The following RASA2 variants were observed in gnomAD, a reference collection of about 807,000 sequenced individuals.
RASA2 encodes the protein RAS p21 protein activator 2.
A neutral mutation model predicts 118.2 loss-of-function variants in RASA2; 155 were observed. The observed-to-expected ratio is 1.31, with a 90% CI of 1.15 to 1.50. The LOEUF (loss-of-function observed/expected upper bound fraction) is 1.50. Ranked by LOEUF, RASA2 falls within the 40% of genes most tolerant of loss-of-function variation. The pLI, the probability that RASA2 is intolerant of heterozygous loss-of-function variation, is 0.00. For missense variants in RASA2, 1,016 were observed against 1,009.6 expected, an observed-to-expected ratio of 1.01 and a Z score of -0.09; for synonymous variants, 353 against 349.1, an observed-to-expected ratio of 1.01 and a Z score of -0.12.
At position 141,516,359 on chromosome 3, in the gene RASA2, A is replaced by T. The variant is rs1262689289; in HGVS notation, c.283A>T (p.Ile95Phe). 1 of 1,565,870 alleles carries T rather than the reference A, an allele frequency of 6.4e-7. No individual in the cohort carries two copies. The highest frequency in any genetic ancestry group is 8.6e-7 in the Non-Finnish European group (1 of 1,157,200). Reference sequence around the variant, plus strand: ...TTTCAGTGAAGAATTTTACTTTGAGATTCCAAGAACTTTCCAGTATTTGTC... The same window carrying T: ...TTTCAGTGAAGAATTTTACTTTGAGTTTCCAAGAACTTTCCAGTATTTGTC... ...PFFSEEFYFE[I>F]PRTFQYLSFY... The change falls in exon 3 of 24, where the codon ATT (isoleucine) becomes TTT (phenylalanine). Residue 95 changes from isoleucine (I) to phenylalanine (F), a missense_variant. Physicochemically the swap from Ile to Phe is conservative, Grantham distance 21 (BLOSUM62 0). Transcript: ENST00000286364.
At chr3:141,609,344 C>G in intron 21 of RASA2, 76 bp from the exon 22 acceptor site, 1 of 868,204 alleles carries the variant, frequency 1.2e-6, no homozygotes, top group Non-Finnish European at 1.6e-6. Context: ...TTTTTAGTCT[C>G]AAACCATCAG....
intron 5 of RASA2, among the ~76,000 whole-genome samples, chr3:141,547,618 C>T (rs549018860): frequency 6.2e-4 from 94 of 152,160 alleles, no homozygotes; most frequent in African/African-American, 2.2e-3. Context: ...TAGGTTTTTT[C>T]CAAATAAGAT....
In RASA2 at chr3:141,540,264, T is replaced by C. The variant is rs11918468; in HGVS notation, c.451-269T>C. Among the ~76,000 whole-genome samples the C allele has an allele frequency of 0.013, 2,003 of 152,306 alleles. 33 individuals carry two copies. The highest frequency in any genetic ancestry group is 0.046 in the African/African-American group (1,898 of 41,574). ...ATTTAGGTATTGTCTTTCCTTTTAG[T>C]CTGTGATAATTAGATATATAAATAT... On this transcript the variant is annotated intron_variant, in intron 4 of 23. Transcript: ENST00000286364.
chr3:141,540,337 A>G (rs2082388250), intron 4 of RASA2, among the ~76,000 whole-genome samples, 196 bp from the exon 5 acceptor site: 2 of 152,170 alleles, frequency 1.3e-5, no homozygotes, highest in Admixed American at 6.5e-5. Context: ...CATGTTTGAC[A>G]TAAGTATTTG....
rs1469589791 is a variant in RASA2 at position 141,598,087 on chromosome 3, A to ATAGCT, written c.1934-9589_1934-9585dup. 3.3e-5 allele frequency among the ~76,000 whole-genome samples: 5 copies of ATAGCT among 152,206 alleles called. No homozygotes were observed. The East Asian group carries it at 9.6e-4, about 29-fold the overall frequency. On this transcript the variant is annotated intron_variant, in intron 19 of 23. Transcript: ENST00000286364. ...TCCTAAAAAAGAATGCCAGGCTTAA[A>ATAGCT]TAGCTTTACTGGTAAAGTCGGCCAA... is the stretch of plus-strand genomic sequence containing the variant.
intron 1 of RASA2, among the ~76,000 whole-genome samples, chr3:141,501,668 A>C (rs1442826031): frequency 6.6e-6 from 1 of 152,190 alleles, no homozygotes; most frequent in Non-Finnish European, 1.5e-5. Flanking sequence ...ACCTTTTATC[A>C]TATTGCAAAA....
At chr3:141,570,038 C>T (rs2082891323) in intron 9 of RASA2, among the ~76,000 whole-genome samples, 2 of 148,716 alleles carry the variant, frequency 1.3e-5, no homozygotes, top group African/African-American at 5.0e-5. Context: ...GGTACATGAG[C>T]GTTCAATATT....
In RASA2 at chr3:141,609,933, T is replaced by C; in HGVS notation, c.2386T>C (p.Ser796Pro). ...ACCACAGAAAGAGCCTGATGATTATTCTAACTTTGTAATCGAGGATTCTGT... is the reference window on the plus strand; with the variant it reads ...ACCACAGAAAGAGCCTGATGATTATCCTAACTTTGTAATCGAGGATTCTGT... Reference protein sequence around the residue: ...QGPQKEPDDYSNFVIEDSVTT... With the variant: ...QGPQKEPDDYPNFVIEDSVTT... The change falls in exon 23 of 24, where the codon TCT (serine) becomes CCT (proline). Residue 796 changes from serine (S) to proline (P), a missense_variant. Around this residue, in one of 2 missense-constraint regions of RASA2, gnomAD observed 120 missense variants for 173.2 expected, o/e 0.69. Coordinates refer to ENST00000286364, the MANE Select transcript of RASA2 (RefSeq NM_006506.5). 6.2e-7 allele frequency: 1 copy of C among 1,606,712 alleles called. No individual in the cohort carries two copies. Among genetic ancestry groups the C allele is most frequent in the Non-Finnish European group, 8.5e-7 (1 of 1,177,010 alleles).
chr3:141,608,578 G>A lies in RASA2; in HGVS notation c.2106G>A (p.Arg702=), dbSNP rs761873821. The A allele has an allele frequency of 7.4e-6, 12 of 1,613,938 alleles. No individual in the cohort carries two copies. Among genetic ancestry groups the A allele is most frequent in the Middle Eastern group, 1.7e-4 (1 of 6,060 alleles). ...ATGAATGGATAGACGTACTCTGCAGGGTGAGCCGATGCAATCAAAACAGGC... is the reference window on the plus strand; with the variant it reads ...ATGAATGGATAGACGTACTCTGCAGAGTGAGCCGATGCAATCAAAACAGGC... The part of the protein sequence containing the change: ...EANEWIDVLC[R]VSRCNQNRLS... The change falls in exon 21 of 24, where the codon AGG becomes AGA. Residue 702 remains arginine, a synonymous_variant. Transcript: ENST00000286364.
intron 1 of RASA2, among the ~76,000 whole-genome samples, chr3:141,511,916 C>A (rs1313194693): frequency 6.6e-6 from 1 of 151,802 alleles, no homozygotes; most frequent in Non-Finnish European, 1.5e-5. Flanking sequence ...GAGGGATTAC[C>A]CTTTCATAGG....
chr3:141,598,283 G>C (rs1026140875), intron 19 of RASA2, among the ~76,000 whole-genome samples: 1 of 152,098 alleles, frequency 6.6e-6, no homozygotes, highest in African/African-American at 2.4e-5. Flanking sequence ...ATATGAAAAG[G>C]ACAATCCATA....
intron 23 of RASA2, among the ~76,000 whole-genome samples, chr3:141,611,237 T>C (rs537426871): frequency 7.9e-5 from 12 of 152,290 alleles, no homozygotes; most frequent in Admixed American, 5.9e-4. Flanking sequence ...TCAGCCAACC[T>C]CAACAAGGTG....
intron 4 of RASA2, among the ~76,000 whole-genome samples, chr3:141,536,576 A>G (rs1240358701): frequency 1.3e-5 from 2 of 152,092 alleles, no homozygotes; most frequent in African/African-American, 4.8e-5. Context: ...ACCTTCCAAG[A>G]ATTTGGTTTA....
intron 1 of RASA2, among the ~76,000 whole-genome samples, chr3:141,508,430 G>C (rs1273676529): frequency 3.3e-5 from 5 of 151,760 alleles, no homozygotes; most frequent in African/African-American, 1.2e-4. Context: ...TTTTGTCCCA[G>C]GCTGGAGTGC....
intron 5 of RASA2, among the ~76,000 whole-genome samples, chr3:141,549,413 C>A (rs908234172): frequency 6.6e-6 from 1 of 152,016 alleles, no homozygotes; most frequent in African/African-American, 2.4e-5. Context: ...ATTCCCATTC[C>A]TCTGCTCTCC....
chr3:141,548,715 C>T (rs2082525527), intron 5 of RASA2, among the ~76,000 whole-genome samples: 1 of 152,078 alleles, frequency 6.6e-6, no homozygotes, highest in Admixed American at 6.6e-5. Context: ...TTACTATTAT[C>T]CTCCAGACCT....
chr3:141,530,316 A>C (rs931062871), intron 4 of RASA2, among the ~76,000 whole-genome samples: 1 of 151,750 alleles, frequency 6.6e-6, no homozygotes, highest in Non-Finnish European at 1.5e-5. Flanking sequence ...GAGTATCATT[A>C]CTCTTTAATC....
chr3:141,491,891 T>C (rs1466670798), intron 1 of RASA2, among the ~76,000 whole-genome samples: 1 of 152,224 alleles, frequency 6.6e-6, no homozygotes, highest in Non-Finnish European at 1.5e-5. Flanking sequence ...TCTATTTAAT[T>C]CTGTGAAGTA....
chr3:141,505,878 A>G (rs192213840), intron 1 of RASA2, among the ~76,000 whole-genome samples: 4 of 152,300 alleles, frequency 2.6e-5, no homozygotes, highest in Non-Finnish European at 5.9e-5. Context: ...TGTATGATTT[A>G]GGAAGATATG....
Sources: allele counts gnomAD v4.1 joint callset (sites outside exome capture counted in the v4.1 genomes callset), GRCh38; gene constraint gnomAD v4.1.1; regional missense constraint gnomAD v4.1.1; transcripts MANE v1.5; gene names NCBI Gene and HGNC (gene_info 2026-07-23, HGNC 2026-07-21).